The following TPRG1 variants were observed in gnomAD, a reference collection of about 807,000 sequenced individuals.
TPRG1 encodes the protein tumor protein p63-regulated gene 1 protein.
TPRG1 carries 29 observed loss-of-function variants against 29.3 expected under a neutral mutation model. The observed-to-expected ratio is 0.99, with a 90% CI of 0.74 to 1.35. TPRG1 has a LOEUF of 1.35. Ranked by LOEUF, TPRG1 falls within the 40% of genes most tolerant of loss-of-function variation. The probability of loss-of-function intolerance (pLI) is 0.00; values close to 1 mark genes in which losing one functional copy is unlikely to be tolerated. For missense variants in TPRG1, 327 were observed against 335.0 expected, an observed-to-expected ratio of 0.98 and a Z score of 0.19; for synonymous variants, 130 against 116.8, an observed-to-expected ratio of 1.11 and a Z score of -0.73.
chr3:189,317,266 A>G (rs1005383380), intron 5 of TPRG1, among the ~76,000 whole-genome samples: 1 of 152,142 alleles, frequency 6.6e-6, no homozygotes, highest in Non-Finnish European at 1.5e-5. Context: ...TTATACTTTG[A>G]TTTTTAAGAG....
intron 4 of TPRG1, among the ~76,000 whole-genome samples, chr3:189,092,530 C>A (rs1366421778): frequency 1.3e-5 from 2 of 150,314 alleles, no homozygotes; most frequent in African/African-American, 4.9e-5. Flanking sequence ...CTTCTCGCTT[C>A]CGGTATTGAT....
chr3:189,075,079 C>A (rs1305401701), intron 4 of TPRG1, among the ~76,000 whole-genome samples: 1 of 151,672 alleles, frequency 6.6e-6, no homozygotes, highest in Non-Finnish European at 1.5e-5. Context: ...CCCAGCCTAC[C>A]CCTTAATATC....
chr3:189,312,103 T>TCTCTCTCTCTC (rs1560688768), intron 5 of TPRG1, among the ~76,000 whole-genome samples: 35 of 69,470 alleles, frequency 5.0e-4, no homozygotes, highest in South Asian at 1.2e-3. Context: ...CTTTGTTTCT[T>TCTCTCTCTCTC]TGTTTCTTTC....
intron 3 of TPRG1, among the ~76,000 whole-genome samples, chr3:189,023,048 C>T (rs1354753433): frequency 6.6e-5 from 10 of 152,250 alleles, no homozygotes; most frequent in Non-Finnish European, 1.3e-4. Flanking sequence ...TGACCCCTTG[C>T]ACTTCCCGAG....
At chr3:189,312,121 C>CTTTCTTTCTTTCTTTCTT (rs1722659761) in intron 5 of TPRG1, among the ~76,000 whole-genome samples, 1 of 35,132 alleles carries the variant, frequency 2.8e-5, no homozygotes, top group African/African-American at 1.3e-4. Context: ...TTCTTTGTTT[C>CTTTCTTTCTTTCTTTCTT]TTTCTTTCTT....
chr3:189,261,972 C>T (rs944359496), intron 4 of TPRG1, among the ~76,000 whole-genome samples: 5 of 152,022 alleles, frequency 3.3e-5, no homozygotes, highest in Non-Finnish European at 7.3e-5. Flanking sequence ...GGGTTTCAGT[C>T]ATATTAGGAT....
chr3:189,268,547 G>C (rs1259856260), intron 4 of TPRG1, among the ~76,000 whole-genome samples: 1 of 152,196 alleles, frequency 6.6e-6, no homozygotes, highest in African/African-American at 2.4e-5. Context: ...TCCCATCCCT[G>C]CTGGGGAATG....
chr3:189,312,570 C>T (rs1473811018), intron 5 of TPRG1, among the ~76,000 whole-genome samples: 1 of 152,084 alleles, frequency 6.6e-6, no homozygotes. Flanking sequence ...ATACCTTGTG[C>T]ATTAGATGGT....
At chr3:189,095,013 T>C (rs903363091) in intron 4 of TPRG1, among the ~76,000 whole-genome samples, 7 of 152,178 alleles carry the variant, frequency 4.6e-5, no homozygotes, top group African/African-American at 7.2e-5. Flanking sequence ...TGTGTATTGA[T>C]TGTAGACTTC....
intron 1 of TPRG1, among the ~76,000 whole-genome samples, chr3:189,182,706 G>T (rs555211521): frequency 1.2e-4 from 19 of 152,060 alleles, no homozygotes; most frequent in Non-Finnish European, 1.8e-4. Flanking sequence ...TAAAAAGGGA[G>T]CAACATGAAT....
rs144680447 is a variant in TPRG1 at position 189,004,205 on chromosome 3, C to A, written c.-877-338C>A. Among the ~76,000 whole-genome samples, 293 of 152,082 alleles carry A rather than the reference C, an allele frequency of 1.9e-3. 2 individuals carry two copies. Among genetic ancestry groups the A allele is most frequent in the African/African-American group, 6.8e-3 (284 of 41,496 alleles). On this transcript the variant is annotated intron_variant, in intron 2 of 10. Transcript: ENST00000433971. ...TTAACGTTTATCTGTACACCAAACC[C>A]CCATGACACAATTTACCTATATAGT...
At chr3:189,073,130 T>C (rs1716908353) in intron 4 of TPRG1, among the ~76,000 whole-genome samples, 1 of 152,200 alleles carries the variant, frequency 6.6e-6, no homozygotes, top group African/African-American at 2.4e-5. Context: ...ATGTGTTCAT[T>C]TCTATGTGAG....
intron 1 of TPRG1, chr3:189,123,447 TACAAGAAGG>T: frequency 1.3e-5 from 2 of 152,182 alleles, no homozygotes; most frequent in Non-Finnish European, 2.9e-5. Context: ...ATGTGTAATG[TACAAGAAGG>T]TATTCAGGGA....
intron 3 of TPRG1, among the ~76,000 whole-genome samples, chr3:189,022,586 C>A (rs573220144): frequency 6.7e-6 from 1 of 149,560 alleles, no homozygotes; most frequent in Non-Finnish European, 1.5e-5. Context: ...GCAGTCTGCC[C>A]GTTCTCAGAT....
chr3:189,017,618 C>G (rs1220762664), intron 3 of TPRG1, among the ~76,000 whole-genome samples: 1 of 152,096 alleles, frequency 6.6e-6, no homozygotes, highest in Non-Finnish European at 1.5e-5. Context: ...TTTTCTTAAT[C>G]CAGTCTATCA....
chr3:189,266,941 T>C (rs1031000632), intron 4 of TPRG1, among the ~76,000 whole-genome samples: 1 of 152,204 alleles, frequency 6.6e-6, no homozygotes, highest in African/African-American at 2.4e-5. Context: ...CTTGGAAAGG[T>C]TAAGTTGAGA....
chr3:189,166,607 AT>A (rs1447404856), intron 5 of TPRG1, among the ~76,000 whole-genome samples: 1 of 152,198 alleles, frequency 6.6e-6, no homozygotes, highest in Non-Finnish European at 1.5e-5. Context: ...CCTAACTAGT[AT>A]CCCTGATACT....
chr3:189,109,335 T>C (rs1560452660), intron 1 of TPRG1, among the ~76,000 whole-genome samples: 1 of 152,168 alleles, frequency 6.6e-6, no homozygotes, highest in African/African-American at 2.4e-5. Context: ...ACAGTAGCCT[T>C]GTAAGAGTGA....
chr3:189,105,774 A>C (rs547555819), intron 1 of TPRG1, among the ~76,000 whole-genome samples: 1 of 152,090 alleles, frequency 6.6e-6, no homozygotes, highest in East Asian at 1.9e-4. Flanking sequence ...TTCCGACATA[A>C]TAATTACTAA....
Sources: gnomAD v4.1 joint callset for allele counts (sites outside exome capture counted in the v4.1 genomes callset) on GRCh38, gnomAD v4.1.1 for gene constraint, MANE v1.5 for transcripts, NCBI Gene and HGNC (gene_info 2026-07-23, HGNC 2026-07-21) for gene names.